Variants in CFAP299 observed in about 807,000 individuals in gnomAD.
CFAP299 encodes cilia- and flagella-associated protein 299.
Under a neutral mutation model 27.0 loss-of-function variants are expected in CFAP299, and 21 were observed. The ratio of observed to expected loss-of-function variants is 0.78; its 90% CI spans 0.55 to 1.12. The LOEUF (loss-of-function observed/expected upper bound fraction) is 1.12, where lower values mean the gene tolerates loss of function less well. Among genes scored for constraint, CFAP299 ranks in the 50% most tolerant of loss-of-function variants. The pLI, the probability that CFAP299 is intolerant of heterozygous loss-of-function variation, is 0.00. For synonymous variants in CFAP299, 104 were observed against 98.1 expected (o/e 1.06, Z -0.36); for missense variants, 310 against 276.6 (o/e 1.12, Z -0.86).
intron 1 of CFAP299, among the ~76,000 whole-genome samples, chr4:80,353,810 G>A (rs1156426233): frequency 6.6e-6 from 1 of 152,098 alleles, no homozygotes; most frequent in African/African-American, 2.4e-5. Flanking sequence ...TAAGAATTGA[G>A]TATAAAGAAA....
chr4:80,885,722 C>T (rs1733938253), intron 4 of CFAP299, among the ~76,000 whole-genome samples: 1 of 152,204 alleles, frequency 6.6e-6, no homozygotes, highest in Non-Finnish European at 1.5e-5. Flanking sequence ...AAGTGATACT[C>T]AGGGAGTATG....
In CFAP299 at chr4:80,606,793, A is replaced by G. The variant is rs150292414; in HGVS notation, c.333+23610A>G. ...ATATTTCATTGTATGGGTATGCCAT[A>G]ATTTTTAAATCTACACTCTAAATTA... is the stretch of plus-strand genomic sequence containing the variant. On this transcript the variant is annotated intron_variant, in intron 3 of 5. Coordinates refer to ENST00000358105, the MANE Select transcript of CFAP299 (RefSeq NM_152770.3). 1.1e-3 allele frequency among the ~76,000 whole-genome samples: 172 copies of G among 152,018 alleles called. No homozygotes were observed. The South Asian group carries it at 0.018, about 16-fold the overall frequency.
intron 3 of CFAP299, among the ~76,000 whole-genome samples, chr4:80,607,675 CAAA>C (rs1444854217): frequency 6.6e-6 from 1 of 152,104 alleles, no homozygotes; most frequent in African/African-American, 2.4e-5. Context: ...TCCATAAAGT[CAAA>C]GAAGTCGACA....
chr4:80,661,242 C>G (rs376085582), intron 3 of CFAP299, among the ~76,000 whole-genome samples: 3 of 150,870 alleles, frequency 2.0e-5, no homozygotes, highest in African/African-American at 7.3e-5. Flanking sequence ...AAGAGAATTG[C>G]TTGAACCCAG....
chr4:80,949,256 A>T (rs1035396189), intron 5 of CFAP299, among the ~76,000 whole-genome samples: 2 of 152,134 alleles, frequency 1.3e-5, no homozygotes, highest in East Asian at 3.9e-4. Context: ...TTTGCCCTTT[A>T]AGTGCTCTTA....
chr4:80,691,903 GACAA>G (rs879801369), intron 3 of CFAP299, among the ~76,000 whole-genome samples: 221 of 152,206 alleles, frequency 1.5e-3, no homozygotes, highest in Middle Eastern at 6.8e-3. Flanking sequence ...ACCAACAACA[GACAA>G]ACAGAGAGCC....
At chr4:80,545,834 GC>G (rs1197011925) in intron 2 of CFAP299, among the ~76,000 whole-genome samples, 1 of 152,070 alleles carries the variant, frequency 6.6e-6, no homozygotes, top group Non-Finnish European at 1.5e-5. Context: ...AAACATAGAT[GC>G]AAAAATGCTC....
chr4:80,386,361 A>G (rs1724991335), intron 2 of CFAP299: 2 of 1,458,124 alleles, frequency 1.4e-6, no homozygotes, highest in Non-Finnish European at 1.9e-6. Flanking sequence ...CAGCTCTGCG[A>G]AGGGCGGCTT....
rs1601511 is a variant in CFAP299 at position 80,564,468 on chromosome 4, A to G, written c.243-18625A>G. Among the ~76,000 whole-genome samples the G allele has an allele frequency of 4.1e-3, 619 of 152,158 alleles. 4 individuals carry two copies. The highest frequency in any genetic ancestry group is 6.3e-3 in the Non-Finnish European group (426 of 67,956). Reference sequence around the variant, plus strand: ...AATTTATGCTGAAAGAGTATTTGATATAATTCAACATCCCTTTATGATAAA... The same window carrying G: ...AATTTATGCTGAAAGAGTATTTGATGTAATTCAACATCCCTTTATGATAAA... On this transcript the variant is annotated intron_variant, in intron 2 of 5. Transcript: ENST00000358105.
intron 4 of CFAP299, among the ~76,000 whole-genome samples, chr4:80,927,209 G>T (rs971062706): frequency 6.6e-6 from 1 of 151,982 alleles, no homozygotes; most frequent in Non-Finnish European, 1.5e-5. Context: ...TGTTGTTTCA[G>T]TGTTATATTT....
chr4:80,940,500 CTT>C (rs1288313917), intron 4 of CFAP299, among the ~76,000 whole-genome samples: 1 of 152,132 alleles, frequency 6.6e-6, no homozygotes, highest in Non-Finnish European at 1.5e-5. Context: ...TATCCTCAAA[CTT>C]TTTTTCCACG....
intron 3 of CFAP299, among the ~76,000 whole-genome samples, chr4:80,689,431 C>T (rs1489731535): frequency 6.6e-6 from 1 of 152,180 alleles, no homozygotes; most frequent in African/African-American, 2.4e-5. Context: ...AATTTCATAT[C>T]CAGCCAAACT....
At chr4:80,329,140 A>C in the CFAP299 span, among the ~76,000 whole-genome samples, 6 of 151,096 alleles carry the variant, frequency 4.0e-5, no homozygotes, top group African/African-American at 1.2e-4. Context: ...GTGTGGCCCA[A>C]GATAATTCTT....
At chr4:80,715,855 A>G (rs1299727174) in intron 3 of CFAP299, among the ~76,000 whole-genome samples, 3 of 152,070 alleles carry the variant, frequency 2.0e-5, no homozygotes, top group African/African-American at 7.2e-5. Flanking sequence ...TGTAATGCTG[A>G]TAAATGTAGA....
At chr4:80,865,810 A>C (rs1451471479) in intron 3 of CFAP299, among the ~76,000 whole-genome samples, 1 of 149,856 alleles carries the variant, frequency 6.7e-6, no homozygotes, top group African/African-American at 2.4e-5. Flanking sequence ...TCAGCAAACT[A>C]TGGCAAGGAC....
intron 2 of CFAP299, among the ~76,000 whole-genome samples, chr4:80,538,791 C>T (rs948038663): frequency 5.3e-5 from 8 of 152,120 alleles, no homozygotes; most frequent in African/African-American, 1.9e-4. Flanking sequence ...GATGAACTTG[C>T]CTAACTCTGC....
chr4:80,365,371 T>G (rs1455963257), intron 2 of CFAP299, among the ~76,000 whole-genome samples: 1 of 152,176 alleles, frequency 6.6e-6, no homozygotes, highest in Non-Finnish European at 1.5e-5. Context: ...TCTTATATGT[T>G]TGTTGGCCGC....
intron 2 of CFAP299, chr4:80,386,161 C>T: frequency 1.7e-6 from 1 of 601,962 alleles, no homozygotes; most frequent in Admixed American, 3.1e-5. Flanking sequence ...TCCCAGGAAA[C>T]GAACACCCCG....
chr4:80,811,387 TC>T (rs1729145737), intron 3 of CFAP299, among the ~76,000 whole-genome samples: 1 of 152,154 alleles, frequency 6.6e-6, no homozygotes, highest in Admixed American at 6.6e-5. Context: ...TCACATTAAT[TC>T]ATTAGATGAA....
Sources: allele counts gnomAD v4.1 joint callset (sites outside exome capture counted in the v4.1 genomes callset), GRCh38; gene constraint gnomAD v4.1.1; transcripts MANE v1.5; gene names NCBI Gene and HGNC (gene_info 2026-07-23, HGNC 2026-07-21).